TMEM132D: variants seen among roughly 807,000 people sequenced by gnomAD.
The protein encoded by TMEM132D is mature OL transmembrane protein.
Under a neutral mutation model 62.3 loss-of-function variants are expected in TMEM132D, and 21 were observed. The ratio of observed to expected loss-of-function variants is 0.34; its 90% CI spans 0.24 to 0.49. The LOEUF is 0.49. TMEM132D is among the 20% of genes least tolerant of loss of function. The pLI is 0.99. For synonymous variants in TMEM132D, 621 were observed against 575.6 expected (o/e 1.08, Z -1.13); for missense variants, 1,346 against 1,402.8 (o/e 0.96, Z 0.65).
chr12:129,436,385 T>C (rs1264527807), intron 3 of TMEM132D, among the ~76,000 whole-genome samples: 1 of 152,162 alleles, frequency 6.6e-6, no homozygotes, highest in Non-Finnish European at 1.5e-5. Context: ...CTCATATATA[T>C]ATAATTATAT....
In TMEM132D at chr12:129,582,918, T is replaced by C. The variant is rs139881072; in HGVS notation, c.969-51713A>G. 8.9e-3 allele frequency among the ~76,000 whole-genome samples: 1,339 copies of C among 150,926 alleles called. 23 individuals carry two copies. The highest frequency in any genetic ancestry group is 0.03 in the African/African-American group (1,237 of 40,852). ...GGGATTATAGGCATTAGCCACCACGTCCAGCCGAGTTTGTTTTTTGTTTTG... is the reference window on the plus strand; with the variant it reads ...GGGATTATAGGCATTAGCCACCACGCCCAGCCGAGTTTGTTTTTTGTTTTG... On this transcript the variant is annotated intron_variant, in intron 2 of 8. Coordinates refer to ENST00000422113, the MANE Select transcript of TMEM132D (RefSeq NM_133448.3).
intron 3 of TMEM132D, among the ~76,000 whole-genome samples, chr12:129,408,909 CTGTTTTTGTTTT>C (rs71451312): frequency 8.4e-4 from 127 of 151,796 alleles, no homozygotes; most frequent in African/African-American, 2.9e-3. Flanking sequence ...GAAGTTCTCT[CTGTTTTTGTTTT>C]TGTTTTTGTT....
chr12:129,824,168 G>C (rs1872602043), intron 1 of TMEM132D, among the ~76,000 whole-genome samples: 1 of 152,142 alleles, frequency 6.6e-6, no homozygotes. Flanking sequence ...AAACCAGCTG[G>C]ATTACAAAAT....
intron 1 of TMEM132D, among the ~76,000 whole-genome samples, chr12:129,900,442 C>T (rs545961499): frequency 6.6e-6 from 1 of 152,322 alleles, no homozygotes; most frequent in Admixed American, 6.5e-5. Flanking sequence ...AGCACGTGCC[C>T]AGCGCCACCC....
At chr12:129,150,485 A>G (rs938484427) in intron 5 of TMEM132D, among the ~76,000 whole-genome samples, 2 of 152,232 alleles carry the variant, frequency 1.3e-5, no homozygotes, top group African/African-American at 4.8e-5. Flanking sequence ...CTTGTACATT[A>G]TTTCATGTAG....
chr12:129,892,965 C>T (rs1012047285), intron 1 of TMEM132D, among the ~76,000 whole-genome samples: 3 of 152,126 alleles, frequency 2.0e-5, no homozygotes, highest in Admixed American at 2.0e-4. Flanking sequence ...CAACCTCCAC[C>T]TCCCAGGTTC....
chr12:129,411,001 T>C (rs2135705826), intron 3 of TMEM132D, among the ~76,000 whole-genome samples: 1 of 152,320 alleles, frequency 6.6e-6, no homozygotes, highest in East Asian at 1.9e-4. Flanking sequence ...TTTTAAATTT[T>C]TTTATCATTT....
chr12:129,555,676 C>A (rs1217727771), intron 2 of TMEM132D, among the ~76,000 whole-genome samples: 1 of 152,088 alleles, frequency 6.6e-6, no homozygotes, highest in Non-Finnish European at 1.5e-5. Flanking sequence ...TTTTAAAGTT[C>A]TTAATGGGAC....
chr12:129,163,323 C>G (rs1877451149), intron 5 of TMEM132D, among the ~76,000 whole-genome samples: 1 of 152,222 alleles, frequency 6.6e-6, no homozygotes, highest in Non-Finnish European at 1.5e-5. Context: ...CAAACAACAG[C>G]TATTATGAGT....
At chr12:129,135,798 C>T (rs1488209276) in intron 5 of TMEM132D, among the ~76,000 whole-genome samples, 1 of 152,090 alleles carries the variant, frequency 6.6e-6, no homozygotes, top group East Asian at 1.9e-4. Context: ...CTTTGGTGTT[C>T]CTTGGCTGAT....
intron 5 of TMEM132D, among the ~76,000 whole-genome samples, chr12:129,202,162 C>T (rs1284156634): frequency 6.6e-6 from 1 of 152,174 alleles, no homozygotes; most frequent in South Asian, 2.1e-4. Context: ...GCCTGTTGGG[C>T]TTTTGGCTGA....
rs1353548312 is a variant in TMEM132D, at chr12:129,277,169, C to T, written c.1299+60465G>A. On this transcript the variant is annotated intron_variant, in intron 4 of 8. Coordinates refer to ENST00000422113, the MANE Select transcript of TMEM132D (RefSeq NM_133448.3). The surrounding 1 kb of genome is among the most constrained non-coding windows in gnomAD (Gnocchi z 4.2). ...GTGAGAACAGTGGGTGTGTGGAGAA[C>T]AAAAACTATGGAAACAAGCCTGGCT... 6.6e-6 allele frequency among the ~76,000 whole-genome samples: 1 copy of T among 152,146 alleles called. No individual in the cohort carries two copies. Among genetic ancestry groups the T allele is most frequent in the Admixed American group, 6.5e-5 (1 of 15,278 alleles).
At chr12:129,268,488 C>A (rs570220464) in intron 4 of TMEM132D, among the ~76,000 whole-genome samples, 1 of 152,156 alleles carries the variant, frequency 6.6e-6, no homozygotes, top group Non-Finnish European at 1.5e-5. Flanking sequence ...CAATGAGATA[C>A]CATCTCACAC....
intron 3 of TMEM132D, among the ~76,000 whole-genome samples, chr12:129,387,440 TACTAAC>T (rs1164638662): frequency 2.0e-5 from 3 of 148,470 alleles, no homozygotes; most frequent in African/African-American, 5.1e-5. Flanking sequence ...CTAACAGCAA[TACTAAC>T]ACTAACAGTA....
At position 129,779,137 on chromosome 12, in the gene TMEM132D, T is replaced by G. The variant is rs1871039163; in HGVS notation, c.80-78439A>C. ...ACTGCAACAGCTCCAGGCATCACATTCCAAATCCACCCAGCAGGAAGGATA... is the reference window on the plus strand; with the variant it reads ...ACTGCAACAGCTCCAGGCATCACATGCCAAATCCACCCAGCAGGAAGGATA... On this transcript the variant is annotated intron_variant, in intron 1 of 8. Transcript: ENST00000422113. The surrounding 1 kb of genome is among the most constrained non-coding windows in gnomAD (Gnocchi z 4.1). Among the ~76,000 whole-genome samples the G allele has an allele frequency of 6.6e-6, 1 of 152,140 alleles. No individual in the cohort carries two copies. Among genetic ancestry groups the G allele is most frequent in the South Asian group, 2.1e-4 (1 of 4,822 alleles).
At chr12:129,573,965 T>G (rs1877588665) in intron 2 of TMEM132D, among the ~76,000 whole-genome samples, 1 of 151,836 alleles carries the variant, frequency 6.6e-6, no homozygotes, top group Admixed American at 6.6e-5. Context: ...ATGAAGGAGA[T>G]GCATAGAGGA....
chr12:129,676,018 A>G (rs1177443991), intron 2 of TMEM132D, among the ~76,000 whole-genome samples: 1 of 152,210 alleles, frequency 6.6e-6, no homozygotes, highest in African/African-American at 2.4e-5. Context: ...CAAATCTTTC[A>G]GTCAACAGAC....
chr12:129,336,539 T>A (rs1394074127), intron 4 of TMEM132D, among the ~76,000 whole-genome samples: 1 of 150,858 alleles, frequency 6.6e-6, no homozygotes, highest in African/African-American at 2.5e-5. Context: ...ACCACCGCAC[T>A]CCAGCCTGGG....
At chr12:129,450,179 G>C (rs1873230087) in intron 3 of TMEM132D, among the ~76,000 whole-genome samples, 1 of 152,150 alleles carries the variant, frequency 6.6e-6, no homozygotes. Context: ...TCTGTTGAGA[G>C]TTTCTTTTGG....
Sources: allele counts gnomAD v4.1 joint callset (sites outside exome capture counted in the v4.1 genomes callset), GRCh38; gene constraint gnomAD v4.1.1; non-coding constraint Gnocchi (gnomAD v3.1); transcripts MANE v1.5; gene names NCBI Gene and HGNC (gene_info 2026-07-23, HGNC 2026-07-21).